SPEF2: variants seen among roughly 807,000 people sequenced by gnomAD.
SPEF2 encodes sperm flagellar and cilia associated 2, also known as sperm flagella and cilia-associated protein 2.
In SPEF2, 187 loss-of-function variants were observed where a neutral mutation model predicts 224.6. That is an observed-to-expected ratio of 0.83 (90% CI 0.74 to 0.94). SPEF2 has a LOEUF of 0.94. SPEF2 is among the 40% of genes least tolerant of loss of function. The probability of loss-of-function intolerance (pLI) is 0.00; values close to 1 mark genes in which losing one functional copy is unlikely to be tolerated. For synonymous variants in SPEF2, 715 were observed against 707.3 expected (o/e 1.01, Z -0.17); for missense variants, 2,170 against 2,135.6 (o/e 1.02, Z -0.32).
intron 30 of SPEF2, chr5:35,789,789 TC>T (rs1156396332): frequency 1.4e-6 from 1 of 702,136 alleles, no homozygotes; most frequent in Non-Finnish European, 2.6e-6. Flanking sequence ...ATTTTTGGCA[TC>T]TTGATTATAG....
At chr5:35,799,173 T>C (rs2361392) in intron 33 of SPEF2, among the ~76,000 whole-genome samples, 8,199 of 152,260 alleles carry the variant, frequency 0.054, 253 homozygotes, top group East Asian at 0.12. Context: ...AGAATTCACA[T>C]TTTAAAAAGG....
intron 6 of SPEF2, among the ~76,000 whole-genome samples, chr5:35,653,076 A>G (rs941002927): frequency 1.3e-5 from 2 of 152,070 alleles, no homozygotes; most frequent in African/African-American, 4.8e-5. Flanking sequence ...TGATTATTTG[A>G]TCTTTGTATA....
chr5:35,650,733 G>T (rs906335237), intron 6 of SPEF2, among the ~76,000 whole-genome samples: 14 of 152,140 alleles, frequency 9.2e-5, no homozygotes, highest in African/African-American at 3.4e-4. Context: ...GTTATTAAAT[G>T]TCTTAAAGAT....
At chr5:35,758,638 A>G (rs1240948072) in intron 24 of SPEF2, among the ~76,000 whole-genome samples, 1 of 152,188 alleles carries the variant, frequency 6.6e-6, no homozygotes, top group African/African-American at 2.4e-5. Flanking sequence ...AGCCGTGAGC[A>G]CTAGAGGAGC....
intron 28 of SPEF2, among the ~76,000 whole-genome samples, chr5:35,774,735 T>G (rs1218161965): frequency 1.3e-5 from 2 of 152,190 alleles, no homozygotes; most frequent in African/African-American, 4.8e-5. Flanking sequence ...CGAGACACCT[T>G]TAACTACTCA....
chr5:35,774,675 C>G (rs374690669), intron 28 of SPEF2, among the ~76,000 whole-genome samples: 1 of 152,146 alleles, frequency 6.6e-6, no homozygotes, highest in Non-Finnish European at 1.5e-5. Context: ...GAAAAAAACA[C>G]GGTCAATATA....
intron 2 of SPEF2, among the ~76,000 whole-genome samples, chr5:35,634,566 A>G (rs189903871): frequency 3.4e-3 from 522 of 152,118 alleles, no homozygotes; most frequent in Non-Finnish European, 4.2e-3. Context: ...AGTTTTGGCC[A>G]CTGTTTCTCC....
intron 34 of SPEF2, among the ~76,000 whole-genome samples, chr5:35,805,007 C>T (rs1757887787): frequency 6.6e-6 from 1 of 152,124 alleles, no homozygotes; most frequent in Non-Finnish European, 1.5e-5. Context: ...GTTTCATTGC[C>T]CTGGAAGATT....
At position 35,737,434 on chromosome 5, in the gene SPEF2, A is replaced by G. The variant is rs181427936; in HGVS notation, c.3064-2485A>G. Among the ~76,000 whole-genome samples, 684 of 140,784 alleles carry G rather than the reference A, an allele frequency of 4.9e-3. 7 individuals carry two copies. Among genetic ancestry groups the G allele is most frequent in the African/African-American group, 0.018 (666 of 37,568 alleles). 92.4% of individuals were successfully genotyped at this position (140,784 alleles called of 152,430 possible). ...TGTGTCCAAGTGTTCTCATTATTCA[A>G]TTCCCACCTATGAGTGAGAACACGC... is the stretch of plus-strand genomic sequence containing the variant. On this transcript the variant is annotated intron_variant, in intron 21 of 36. Transcript: ENST00000356031.
intron 1 of SPEF2, among the ~76,000 whole-genome samples, chr5:35,620,733 C>T (rs866062888): frequency 1.3e-5 from 2 of 152,084 alleles, no homozygotes; most frequent in Non-Finnish European, 2.9e-5. Flanking sequence ...TAACTTTTGG[C>T]TTAAAGGATA....
chr5:35,756,234 A>T (rs1750422409), intron 24 of SPEF2, among the ~76,000 whole-genome samples: 1 of 152,180 alleles, frequency 6.6e-6, no homozygotes, highest in Non-Finnish European at 1.5e-5. Context: ...TTAGTCACTT[A>T]GTAGCCAATT....
At chr5:35,678,552 G>T (rs1752341486) in intron 10 of SPEF2, 1 of 152,284 alleles carries the variant, frequency 6.6e-6, no homozygotes, top group African/African-American at 2.4e-5. Context: ...CTGGTAGAAA[G>T]ATGTGTCCGG....
chr5:35,795,633 CTG>C, intron 32 of SPEF2, 68 bp from the exon 33 acceptor site: 4 of 1,386,898 alleles, frequency 2.9e-6, no homozygotes, highest in Non-Finnish European at 4.0e-6. Context: ...GGCTCAGTCT[CTG>C]TGGCTTTTAG....
intron 8 of SPEF2, among the ~76,000 whole-genome samples, chr5:35,661,256 AT>A (rs1216888722): frequency 3.7e-4 from 2 of 5,356 alleles, no homozygotes; most frequent in Non-Finnish European, 5.7e-4. Context: ...GGTATATATT[AT>A]ATATATATAT....
intron 10 of SPEF2, among the ~76,000 whole-genome samples, chr5:35,683,419 G>A (rs905223209): frequency 6.6e-6 from 1 of 152,202 alleles, no homozygotes; most frequent in African/African-American, 2.4e-5. Context: ...GAGTTCAGGA[G>A]TTCGAGACCA....
intron 36 of SPEF2, chr5:35,807,925 A>C (rs1258605328): frequency 2.1e-6 from 3 of 1,415,174 alleles, no homozygotes; most frequent in Non-Finnish European, 2.8e-6. Flanking sequence ...CTGTAGCACT[A>C]CATCCCTCTC....
At chr5:35,740,426 C>G (rs1267792179) in intron 23 of SPEF2, among the ~76,000 whole-genome samples, 159 bp downstream of exon 23, 1 of 152,126 alleles carries the variant, frequency 6.6e-6, no homozygotes, top group African/African-American at 2.4e-5. Context: ...AGTGGCTTTT[C>G]CGCACTTTGA....
intron 30 of SPEF2, among the ~76,000 whole-genome samples, chr5:35,784,229 G>A (rs550079043): frequency 1.3e-5 from 2 of 151,672 alleles, no homozygotes; most frequent in East Asian, 1.9e-4. Context: ...CCGGGTTCAC[G>A]CCATTCTCCT....
intron 30 of SPEF2, among the ~76,000 whole-genome samples, chr5:35,785,782 C>T (rs1755026487): frequency 6.6e-6 from 1 of 151,084 alleles, no homozygotes; most frequent in African/African-American, 2.4e-5. Context: ...CTGTCTTGAA[C>T]TCCTAGGCTC....
Sources: gnomAD v4.1 joint callset for allele counts (sites outside exome capture counted in the v4.1 genomes callset) on GRCh38, gnomAD v4.1.1 for gene constraint, MANE v1.5 for transcripts, NCBI Gene and HGNC (gene_info 2026-07-23, HGNC 2026-07-21) for gene names.